PI4KB: variants seen among roughly 807,000 people sequenced by gnomAD.
PI4KB encodes PtdIns 4-kinase beta.
A neutral mutation model predicts 81.4 loss-of-function variants in PI4KB; 23 were observed. The observed-to-expected ratio is 0.28, with a 90% CI of 0.20 to 0.40. The LOEUF (loss-of-function observed/expected upper bound fraction) is 0.40, where lower values mean the gene tolerates loss of function less well. PI4KB is among the 10% of genes least tolerant of loss of function. The probability of loss-of-function intolerance (pLI) is 1.00; values close to 1 mark genes in which losing one functional copy is unlikely to be tolerated. For synonymous variants in PI4KB, 381 were observed against 406.8 expected, an observed-to-expected ratio of 0.94 and a Z score of 0.76; for missense variants, 651 against 1,036.6, an observed-to-expected ratio of 0.63 and a Z score of 5.11.
intron 2 of PI4KB, among the ~76,000 whole-genome samples, chr1:151,311,629 G>A (rs1050565319): frequency 2.6e-5 from 4 of 152,204 alleles, no homozygotes; most frequent in Non-Finnish European, 5.9e-5. Context: ...GGAACAGCAG[G>A]CAAGATATTG....
intron 4 of PI4KB, among the ~76,000 whole-genome samples, chr1:151,307,052 G>A (rs755140165): frequency 6.6e-5 from 10 of 152,004 alleles, no homozygotes; most frequent in Non-Finnish European, 8.8e-5. Flanking sequence ...TCCAGCCTCC[G>A]CAATAGAGTG....
intron 1 of PI4KB, chr1:151,326,192 C>G: frequency 1.9e-6 from 3 of 1,611,610 alleles, no homozygotes; most frequent in Non-Finnish European, 2.5e-6. Context: ...AATTTCCACG[C>G]AGGCCTGTTC....
chr1:151,302,995 G>GTTTTT (rs775167343), intron 6 of PI4KB, among the ~76,000 whole-genome samples: 40 of 107,138 alleles, frequency 3.7e-4, no homozygotes, highest in Non-Finnish European at 5.6e-4. Flanking sequence ...GTGCTTTCTT[G>GTTTTT]TTTTTTTTTT....
chr1:151,306,511 G>T, intron 4 of PI4KB, 148 bp from the exon 5 acceptor site: 1 of 619,536 alleles, frequency 1.6e-6, no homozygotes, highest in South Asian at 1.9e-5. Context: ...ACTATATTTA[G>T]GGCAGATACT....
In PI4KB at chr1:151,316,204, G is replaced by A; in HGVS notation, c.278C>T (p.Pro93Leu). The part of the protein sequence containing the change: ...VDSEIRCLDD[P>L]PAQIREEEDE... ...TTCCTCCTCCCTGATCTGGGCAGGT[G>A]GATCATCTAGGCAACGGATCTCACT... is the stretch of plus-strand genomic sequence containing the variant. The change falls in exon 2 of 12, where the codon CCA (proline) becomes CTA (leucine). Residue 93 changes from proline to leucine, a missense_variant. Pro to Leu is a moderately conservative substitution (Grantham distance 98). This residue lies in a region of PI4KB where 314 missense variants were observed against 397.8 expected (regional missense o/e 0.79). Coordinates refer to ENST00000368873, the MANE Select transcript of PI4KB (RefSeq NM_001369623.2). 6.2e-7 allele frequency: 1 copy of A among 1,614,084 alleles called. No individual in the cohort carries two copies. Among genetic ancestry groups the A allele is most frequent in the Non-Finnish European group, 8.5e-7 (1 of 1,179,998 alleles).
chr1:151,294,145 A>C lies in PI4KB; in HGVS notation c.2149-7T>G. 6.2e-7 allele frequency: 1 copy of C among 1,611,246 alleles called. No homozygotes were observed. Among genetic ancestry groups the C allele is most frequent in the Non-Finnish European group, 8.5e-7 (1 of 1,178,402 alleles). Reference sequence around the variant, plus strand: ...CATCCAGGCCGCCCATCACCTGGAAAGGGAAGAGAGCGTTGTGTGCACAAG... The same window carrying C: ...CATCCAGGCCGCCCATCACCTGGAACGGGAAGAGAGCGTTGTGTGCACAAG... On this transcript the variant is annotated splice_region_variant and splice_polypyrimidine_tract_variant and intron_variant, in intron 10 of 11. Transcript: ENST00000368873.
chr1:151,293,519 A>G, intron 11 of PI4KB: 5 of 834,642 alleles, frequency 6.0e-6, no homozygotes, highest in Non-Finnish European at 8.1e-6. Context: ...CAGACCTGGT[A>G]TACACCTGGA....
chr1:151,298,761 G>T (rs1695010566), intron 9 of PI4KB, 47 bp downstream of exon 9: 1 of 1,590,520 alleles, frequency 6.3e-7, no homozygotes, highest in South Asian at 1.1e-5. Flanking sequence ...CGAAGGGACA[G>T]AGAGAACCCT....
chr1:151,297,392 A>ATG (rs770488326), intron 9 of PI4KB, among the ~76,000 whole-genome samples: 1 of 146,786 alleles, frequency 6.8e-6, no homozygotes. Flanking sequence ...CCCAGACTAA[A>ATG]GTACTGTGGC....
chr1:151,303,902 G>A (rs939134984), intron 5 of PI4KB, among the ~76,000 whole-genome samples: 24 of 152,138 alleles, frequency 1.6e-4, no homozygotes, highest in African/African-American at 5.3e-4. Flanking sequence ...CTAGGAATGG[G>A]ATCTGAAAGT....
intron 11 of PI4KB, chr1:151,293,377 C>G (rs1217452746): frequency 1.8e-5 from 24 of 1,319,380 alleles, no homozygotes; most frequent in Non-Finnish European, 2.1e-5. Context: ...CAGACCTCTG[C>G]CTATGCTACG....
At chr1:151,306,052 G>T in intron 5 of PI4KB, 84 bp downstream of exon 5, 1 of 1,107,742 alleles carries the variant, frequency 9.0e-7, no homozygotes, top group Non-Finnish European at 1.4e-6. Flanking sequence ...CCTGCCTTGG[G>T]ATATGCTGTC....
At position 151,303,609 on chromosome 1, in the gene PI4KB, C is replaced by G. The variant is rs1467493837; in HGVS notation, c.1452G>C (p.Gln484His). 2.5e-6 allele frequency: 4 copies of G among 1,614,068 alleles called. No individual in the cohort carries two copies. Among genetic ancestry groups the G allele is most frequent in the Non-Finnish European group, 8.5e-7 (1 of 1,179,948 alleles). Reference sequence around the variant, plus strand: ...GGCTGGTGATGCTGTCCACAGAGAACTGGGAGATGTTGTCACAGCTGTTGG... The same window carrying G: ...GGCTGGTGATGCTGTCCACAGAGAAGTGGGAGATGTTGTCACAGCTGTTGG... ...VHTNSCDNIS[Q>H]FSVDSITSQE... Residue 484 changes from glutamine (Q) to histidine (H), a missense_variant, in exon 6 of 12, where the codon CAG (glutamine) becomes CAC (histidine). By Grantham distance (24) the Gln-to-His change is conservative (BLOSUM62 0). Coordinates refer to ENST00000368873, the MANE Select transcript of PI4KB (RefSeq NM_001369623.2).
At chr1:151,298,765 G>A (rs745305959) in intron 9 of PI4KB, 43 bp downstream of exon 9, 2 of 1,593,274 alleles carry the variant, frequency 1.3e-6, no homozygotes, top group South Asian at 2.2e-5. Flanking sequence ...GGGACAGAGA[G>A]AACCCTGGAG....
chr1:151,307,588 T>A lies in PI4KB; in HGVS notation c.1168A>T (p.Asn390Tyr). The A allele has an allele frequency of 6.2e-7, 1 of 1,611,806 alleles. No homozygotes were observed. The highest frequency in any genetic ancestry group is 8.5e-7 in the Non-Finnish European group (1 of 1,177,898). ...RVPHTQAVVLNSKDKAPYLIY... is the reference protein window; with the variant it reads ...RVPHTQAVVLYSKDKAPYLIY... Reference sequence around the variant, plus strand: ...AACCCATCTACCTTGTCCTTGGAGTTGAGGACAACAGCCTGTGTGTGGGGT... The same window carrying A: ...AACCCATCTACCTTGTCCTTGGAGTAGAGGACAACAGCCTGTGTGTGGGGT... Residue 390 changes from asparagine (N) to tyrosine (Y), a missense_variant, in exon 4 of 12, where the codon AAC becomes TAC. Transcript: ENST00000368873.
chr1:151,310,691 G>A (rs938212236), intron 2 of PI4KB, among the ~76,000 whole-genome samples: 1 of 152,038 alleles, frequency 6.6e-6, no homozygotes, highest in Non-Finnish European at 1.5e-5. Flanking sequence ...TTAATAAGCT[G>A]CATGGCTCCC....
chr1:151,293,371 C>T lies in PI4KB; in HGVS notation c.2270-338G>A, dbSNP rs763104615. On this transcript the variant is annotated intron_variant, in intron 11 of 11. Transcript: ENST00000368873. ...AGCTGGGCACTTATCTGGTTGCAGA[C>T]CTCTGCCTATGCTACGTCTGACACT... is the stretch of plus-strand genomic sequence containing the variant. The T allele has an allele frequency of 3.8e-6, 5 of 1,327,596 alleles. No individual in the cohort carries two copies. In the African/African-American group the frequency reaches 4.5e-5, roughly 12 times the overall value. The allele number at this position is 1,327,596 out of a possible 1,614,324, so 82.2% of individuals were successfully genotyped here.
rs1486195779 is a variant in PI4KB, at chr1:151,306,297, G to A, written c.1249C>T (p.Arg417Trp). 1 of 1,614,124 alleles carries A rather than the reference G, an allele frequency of 6.2e-7. No homozygotes were observed. The change falls in exon 5 of 12, where the codon CGG becomes TGG. Residue 417 changes from arginine (R) to tryptophan (W), a missense_variant. Arg to Trp is a moderately radical substitution (Grantham distance 101). Transcript: ENST00000368873. ...ENFDTTSVPARIPENRIRSTR... is the reference protein window; with the variant it reads ...ENFDTTSVPAWIPENRIRSTR... ...CTCCGAATTCGGTTCTCGGGGATCC[G>A]GGCAGGGACACTGGTGGTGTCAAAG...
At chr1:151,326,216 G>T (rs368326303) in intron 1 of PI4KB, 13 of 1,603,460 alleles carry the variant, frequency 8.1e-6, no homozygotes, top group Non-Finnish European at 1.1e-5. Flanking sequence ...CCTCTTAGTG[G>T]CTGCTCCGGA....
Sources: gnomAD v4.1 joint callset for allele counts (sites outside exome capture counted in the v4.1 genomes callset) on GRCh38, gnomAD v4.1.1 for gene constraint, gnomAD v4.1.1 regional missense constraint, MANE v1.5 for transcripts, NCBI Gene and HGNC (gene_info 2026-07-23, HGNC 2026-07-21) for gene names.